The following NAV3 variants were observed in gnomAD, a reference collection of about 807,000 sequenced individuals.
NAV3 encodes neuron navigator 3.
NAV3 carries 87 observed loss-of-function variants against 244.7 expected under a neutral mutation model. That is an observed-to-expected ratio of 0.36 (90% CI 0.30 to 0.42). The LOEUF is 0.42. Ranked by LOEUF, NAV3 falls within the 20% of genes least tolerant of loss-of-function variation. NAV3 has a pLI of 1.00. For synonymous variants in NAV3, 1,126 were observed against 1,042.2 expected (o/e 1.08, Z -1.55); for missense variants, 2,663 against 2,893.3 (o/e 0.92, Z 1.83).
At chr12:77,873,119 A>G (rs1380384281) in intron 1 of NAV3, among the ~76,000 whole-genome samples, 2 of 152,070 alleles carry the variant, frequency 1.3e-5, no homozygotes, top group Non-Finnish European at 2.9e-5. Context: ...TTCTTTATTT[A>G]TATTTATACA....
chr12:77,860,128 C>T (rs11613476), intron 1 of NAV3, among the ~76,000 whole-genome samples: 69,033 of 151,366 alleles, frequency 0.46, 16,230 homozygotes, highest in East Asian at 0.56. Context: ...TAGCCAAACG[C>T]GTAAAATATA....
At chr12:77,758,749 T>A (rs1401507905) in intron 2 of NAV3, among the ~76,000 whole-genome samples, 1 of 152,182 alleles carries the variant, frequency 6.6e-6, no homozygotes, top group Non-Finnish European at 1.5e-5. Flanking sequence ...GAGCTAGAGA[T>A]AGGGGAGAAA....
intron 31 of NAV3, among the ~76,000 whole-genome samples, chr12:78,186,639 A>C (rs774086986): frequency 7.9e-5 from 12 of 151,484 alleles, no homozygotes; most frequent in Non-Finnish European, 1.5e-4. Context: ...GAAAAATAAG[A>C]TTTCCTGTTC....
chr12:77,974,457 A>ATT lies in NAV3; in HGVS notation c.671+5766_671+5767dup, dbSNP rs200654335. ...CCACCACGGCCAGCTGTTTATTATT[A>ATT]TTTTTTTTTTTTGTAATTTTTGTGG... On this transcript the variant is annotated intron_variant, in intron 5 of 39. Transcript: ENST00000397909. Among the ~76,000 whole-genome samples the ATT allele has an allele frequency of 3.6e-3, 511 of 142,226 alleles. 1 individual carries two copies. Among genetic ancestry groups the ATT allele is most frequent in the Middle Eastern group, 0.01 (3 of 286 alleles). 93.3% of individuals were successfully genotyped at this position (142,226 alleles called of 152,430 possible).
At chr12:77,921,424 C>T (rs1887702373) in intron 1 of NAV3, among the ~76,000 whole-genome samples, 2 of 152,114 alleles carry the variant, frequency 1.3e-5, no homozygotes, top group Admixed American at 1.3e-4. Context: ...ACTTAAAAAT[C>T]CTGAAACCGA....
intron 25 of NAV3, 141 bp from the exon 26 acceptor site, chr12:78,176,298 A>G: frequency 1.5e-6 from 1 of 675,582 alleles, no homozygotes; most frequent in Admixed American, 3.4e-5. Flanking sequence ...TTATCAGAGG[A>G]TTTTACTGGA....
intron 3 of NAV3, among the ~76,000 whole-genome samples, chr12:77,945,126 A>AT (rs951517554): frequency 4.0e-5 from 6 of 149,068 alleles, no homozygotes; most frequent in African/African-American, 7.3e-5. Flanking sequence ...TTAGAGAAAA[A>AT]AAAAAAATAA....
intron 34 of NAV3, among the ~76,000 whole-genome samples, chr12:78,191,525 C>A (rs1004907066): frequency 6.6e-6 from 1 of 152,106 alleles, no homozygotes; most frequent in African/African-American, 2.4e-5. Context: ...GTACATAAAG[C>A]ACAATGGGAT....
rs1287209177 is a variant in NAV3 at position 78,210,865 on chromosome 12, C to T, written c.*348C>T. Reference sequence around the variant, plus strand: ...CTCTTTAAAAGTTTACAATGCAGACCATTTTTTGTCCCTTCCTTTTGTTTC... The same window carrying T: ...CTCTTTAAAAGTTTACAATGCAGACTATTTTTTGTCCCTTCCTTTTGTTTC... On this transcript the variant is annotated 3_prime_UTR_variant, in exon 40 of 40. Coordinates refer to ENST00000397909, the MANE Select transcript of NAV3 (RefSeq NM_001024383.2). 2 of 238,520 alleles carry T rather than the reference C, an allele frequency of 8.4e-6. 1 individual carries two copies. Among genetic ancestry groups the T allele is most frequent in the East Asian group, 2.4e-4 (2 of 8,298 alleles). 14.8% of individuals were successfully genotyped at this position (238,520 alleles called of 1,614,324 possible).
At chr12:77,829,367 C>G (rs1296209430), upstream of NAV3, among the ~76,000 whole-genome samples, 1 of 152,144 alleles carries the variant, frequency 6.6e-6, no homozygotes, top group Admixed American at 6.6e-5. Context: ...ATTATTTTTG[C>G]TAGCAATATA....
chr12:78,186,614 G>A (rs184067965), intron 31 of NAV3, among the ~76,000 whole-genome samples: 1 of 151,830 alleles, frequency 6.6e-6, no homozygotes, highest in Admixed American at 6.6e-5. Flanking sequence ...ATTTTAACTG[G>A]GTTATAAACA....
At chr12:77,707,830 T>C (rs1875900497) in intron 2 of NAV3, among the ~76,000 whole-genome samples, 1 of 152,262 alleles carries the variant, frequency 6.6e-6, no homozygotes, top group African/African-American at 2.4e-5. Context: ...GAGCATTTTT[T>C]CATGTGTCTG....
chr12:77,748,305 T>C (rs1868662443), intron 2 of NAV3, among the ~76,000 whole-genome samples: 1 of 152,212 alleles, frequency 6.6e-6, no homozygotes, highest in South Asian at 2.1e-4. Context: ...GCCACATTCA[T>C]TGTGCATGTT....
At chr12:78,054,987 A>T (rs1200501998) in intron 11 of NAV3, among the ~76,000 whole-genome samples, 1 of 152,156 alleles carries the variant, frequency 6.6e-6, no homozygotes, top group Non-Finnish European at 1.5e-5. Context: ...GGCTCCTGGG[A>T]AAAGAATATG....
At chr12:78,209,000 G>C (rs1486145909) in intron 39 of NAV3, among the ~76,000 whole-genome samples, 1 of 152,108 alleles carries the variant, frequency 6.6e-6, no homozygotes, top group Non-Finnish European at 1.5e-5. Context: ...GGGAGAGAAA[G>C]AAACTATGTT....
At chr12:77,772,633 T>G (rs1436853032) in intron 2 of NAV3, among the ~76,000 whole-genome samples, 1 of 152,194 alleles carries the variant, frequency 6.6e-6, no homozygotes, top group Non-Finnish European at 1.5e-5. Context: ...GGTTATCCTT[T>G]TACTTTAAAT....
intron 30 of NAV3, 121 bp downstream of exon 30, chr12:78,181,166 G>T: frequency 1.2e-6 from 1 of 855,298 alleles, no homozygotes; most frequent in African/African-American, 1.7e-5. Flanking sequence ...CTCAGAAATA[G>T]TCCTAGTTTG....
chr12:77,648,395 C>A (rs1381346144), intron 2 of NAV3, among the ~76,000 whole-genome samples: 3 of 151,954 alleles, frequency 2.0e-5, no homozygotes, highest in African/African-American at 7.3e-5. Flanking sequence ...TGTTTTATGT[C>A]AAAAATATCA....
At chr12:77,599,371 G>T (rs1003373164) in intron 2 of NAV3, among the ~76,000 whole-genome samples, 1 of 151,834 alleles carries the variant, frequency 6.6e-6, no homozygotes, top group Non-Finnish European at 1.5e-5. Flanking sequence ...TGGGTGTTGC[G>T]CATTGTCCTG....
Sources: allele counts gnomAD v4.1 joint callset (sites outside exome capture counted in the v4.1 genomes callset), GRCh38; gene constraint gnomAD v4.1.1; transcripts MANE v1.5; gene names NCBI Gene and HGNC (gene_info 2026-07-23, HGNC 2026-07-21).